CFAP99: variants seen among roughly 807,000 people sequenced by gnomAD.
The protein encoded by CFAP99 is cilia- and flagella-associated protein 99.
In CFAP99, 84 loss-of-function variants were observed where a neutral mutation model predicts 82.7. That is an observed-to-expected ratio of 1.02 (90% CI 0.85 to 1.22). The LOEUF (loss-of-function observed/expected upper bound fraction) is 1.22, where lower values mean the gene tolerates loss of function less well. Ranked by LOEUF, CFAP99 falls within the 50% of genes most tolerant of loss-of-function variation. The pLI, the probability that CFAP99 is intolerant of heterozygous loss-of-function variation, is 0.00. For synonymous variants in CFAP99, 456 were observed against 429.5 expected, an observed-to-expected ratio of 1.06 and a Z score of -0.76; for missense variants, 1,059 against 983.5, an observed-to-expected ratio of 1.08 and a Z score of -1.03.
Position 2,462,208 on chromosome 4 carries a change from C to T in CFAP99, c.1662-235C>T. On this transcript the variant is annotated intron_variant, in intron 14 of 14. Transcript: ENST00000635017. The surrounding 1 kb of genome is among the most constrained non-coding windows in gnomAD (Gnocchi z 4.1). Reference sequence around the variant, plus strand: ...AAAATTAAAGAAAAGAAAAAAAGAGCAAAAGGGTAGATAGAAGTGCTGGAG... The same window carrying T: ...AAAATTAAAGAAAAGAAAAAAAGAGTAAAAGGGTAGATAGAAGTGCTGGAG... 1 of 400,822 alleles carries T rather than the reference C, an allele frequency of 2.5e-6. No homozygotes were observed. The highest frequency in any genetic ancestry group is 3.8e-5 in the East Asian group (1 of 26,154). The allele number at this position is 400,822 out of a possible 1,614,324, so 24.8% of individuals were successfully genotyped here. A position where few individuals can be genotyped will look rare whatever the true frequency, so the allele number is the denominator to read the frequency against.
rs549738217 is a variant in CFAP99, at chr4:2,441,200, G to A, written c.352-1930G>A. Among the ~76,000 whole-genome samples the A allele has an allele frequency of 7.2e-4, 109 of 151,734 alleles. 1 individual carries two copies. The highest frequency in any genetic ancestry group is 2.4e-3 in the African/African-American group (98 of 41,396). On this transcript the variant is annotated intron_variant, in intron 4 of 14. Transcript: ENST00000635017. ...AGCCTGACCAACACGGTGAAACCCC[G>A]TCTCTATTAAAAATAGAAAAAAATT...
chr4:2,451,151 T>A (rs576642298), intron 9 of CFAP99, 113 bp from the exon 10 acceptor site: 2 of 1,452,002 alleles, frequency 1.4e-6, no homozygotes, highest in African/African-American at 1.4e-5. Context: ...CCCTGGGGGA[T>A]AGGGAAGCAC....
chr4:2,451,224 C>A, intron 9 of CFAP99, 40 bp from the exon 10 acceptor site: 1 of 1,532,292 alleles, frequency 6.5e-7, no homozygotes, highest in South Asian at 1.2e-5. Flanking sequence ...TCCCAAGGGT[C>A]TCCTCAAGCC....
At chr4:2,458,741 C>A (rs765533098) in exon 12 of CFAP99, 1 of 1,534,660 alleles carries the variant, frequency 6.5e-7, no homozygotes, top group South Asian at 1.2e-5. Flanking sequence ...GCTGATGCTG[C>A]AGCGTGCAGA....
At chr4:2,444,320 C>G (rs1734113495) in intron 5 of CFAP99, among the ~76,000 whole-genome samples, 1 of 152,318 alleles carries the variant, frequency 6.6e-6, no homozygotes, top group African/African-American at 2.4e-5. Context: ...CCACCACCCC[C>G]ATTCAGGCTT....
chr4:2,459,394 G>A (rs557829520), intron 13 of CFAP99, 136 bp downstream of exon 13: 77 of 1,073,990 alleles, frequency 7.2e-5, no homozygotes, highest in South Asian at 1.0e-4. Context: ...GCCACCCTCC[G>A]TGACTCAACA....
At chr4:2,425,422 G>A (rs1420305378) in intron 1 of CFAP99, among the ~76,000 whole-genome samples, 1 of 152,144 alleles carries the variant, frequency 6.6e-6, no homozygotes, top group Admixed American at 6.5e-5. Flanking sequence ...TGGTTGGTGG[G>A]GGTCGCTTGC....
At chr4:2,455,918 A>G (rs906060297) in intron 11 of CFAP99, among the ~76,000 whole-genome samples, 1 of 152,168 alleles carries the variant, frequency 6.6e-6, no homozygotes, top group Non-Finnish European at 1.5e-5. Context: ...GTTTTAATGA[A>G]CTATAACTTT....
intron 11 of CFAP99, among the ~76,000 whole-genome samples, chr4:2,454,594 G>GGTTTTTTTTTTTTTTTTGT (rs1560388808): frequency 1.2e-5 from 1 of 84,534 alleles, no homozygotes; most frequent in African/African-American, 4.2e-5. Flanking sequence ...TTTTTTTTTT[G>GGTTTTTTTTTTTTTTTTGT]TTTTTTTTTT....
Position 2,446,770 on chromosome 4 carries a change from A to ATGGG in CFAP99, c.642+1466_642+1469dup, listed in dbSNP as rs1734174471. ...CAGTAAATACCAGTTGGATGGATGG[A>ATGGG]TGGGTGGATGGATTATCAGATGGAT... On this transcript the variant is annotated intron_variant, in intron 6 of 14. Transcript: ENST00000635017. The surrounding 1 kb of genome is among the most constrained non-coding windows in gnomAD (Gnocchi z 5.0). Among the ~76,000 whole-genome samples the ATGGG allele has an allele frequency of 6.6e-6, 1 of 152,162 alleles. No homozygotes were observed. Among genetic ancestry groups the ATGGG allele is most frequent in the African/African-American group, 2.4e-5 (1 of 41,446 alleles).
At position 2,443,429 on chromosome 4, in the gene CFAP99, G is replaced by A. The variant is rs551873013; in HGVS notation, c.464+187G>A. On this transcript the variant is annotated intron_variant, in intron 5 of 14. Coordinates refer to ENST00000635017, the Ensembl canonical transcript of CFAP99. ...AGTCCCAGGCTGGCCCCACAGCCTC[G>A]CGGGGAGGAAAAGACGTGGTCCAAC... Among the ~76,000 whole-genome samples the A allele has an allele frequency of 1.4e-4, 21 of 152,362 alleles. 1 individual carries two copies. In the South Asian group the frequency reaches 3.5e-3, roughly 26 times the overall value.
At chr4:2,454,139 A>G (rs916294809) in intron 11 of CFAP99, among the ~76,000 whole-genome samples, 2 of 152,158 alleles carry the variant, frequency 1.3e-5, no homozygotes, top group African/African-American at 4.8e-5. Context: ...CTGGTATTAT[A>G]GGCGCATGCC....
chr4:2,450,010 C>T lies in CFAP99; in HGVS notation c.795+5C>T, dbSNP rs1234497297. 13 of 1,535,850 alleles carry T rather than the reference C, an allele frequency of 8.5e-6. No individual in the cohort carries two copies. Among genetic ancestry groups the T allele is most frequent in the African/African-American group, 8.2e-5 (6 of 73,024 alleles). On this transcript the variant is annotated splice_donor_5th_base_variant and intron_variant, in intron 8 of 14. Coordinates refer to ENST00000635017, the Ensembl canonical transcript of CFAP99. ...TCCTGCAGGGAGCGAGTGCAGGTAC[C>T]GCCCAGCTCTCTCAAGACCCATCAT... is the stretch of plus-strand genomic sequence containing the variant.
intron 1 of CFAP99, among the ~76,000 whole-genome samples, chr4:2,421,381 G>A (rs929363340): frequency 3.9e-5 from 5 of 129,668 alleles, no homozygotes; most frequent in East Asian, 2.5e-4. Flanking sequence ...TTGAGATGGC[G>A]TCTCGCTCTG....
intron 1 of CFAP99, among the ~76,000 whole-genome samples, chr4:2,419,609 C>G (rs1029096490): frequency 6.6e-6 from 1 of 152,154 alleles, no homozygotes; most frequent in Non-Finnish European, 1.5e-5. Flanking sequence ...GTCATGCCCC[C>G]CTCGGTTCAG....
intron 2 of CFAP99, among the ~76,000 whole-genome samples, chr4:2,433,436 G>GA (rs397968840): frequency 6.6e-6 from 1 of 150,502 alleles, no homozygotes; most frequent in African/African-American, 2.5e-5. Flanking sequence ...GCGGGGGGGG[G>GA]ACCAGTGCCC....
chr4:2,435,731 C>T (rs1231421096), intron 2 of CFAP99, among the ~76,000 whole-genome samples: 1 of 152,158 alleles, frequency 6.6e-6, no homozygotes. Flanking sequence ...AGAGGCCAGC[C>T]TGAGGAACAT....
intron 1 of CFAP99, among the ~76,000 whole-genome samples, chr4:2,421,494 C>A (rs905614262): frequency 6.6e-6 from 1 of 151,556 alleles, no homozygotes; most frequent in African/African-American, 2.4e-5. Context: ...GCTGGTATTA[C>A]AGGCACCTGC....
At chr4:2,430,091 G>A (rs1485947931) in intron 2 of CFAP99, among the ~76,000 whole-genome samples, 1 of 150,238 alleles carries the variant, frequency 6.7e-6, no homozygotes, top group Non-Finnish European at 1.5e-5. Context: ...GCGGACAGCA[G>A]ACTGCGGTGA....
Sources: allele counts gnomAD v4.1 joint callset (sites outside exome capture counted in the v4.1 genomes callset), GRCh38; gene constraint gnomAD v4.1.1; non-coding constraint Gnocchi (gnomAD v3.1); transcripts MANE v1.5; gene names NCBI Gene and HGNC (gene_info 2026-07-23, HGNC 2026-07-21).